Variants in FOXC1 observed in about 807,000 individuals in gnomAD.
FOXC1 encodes forkhead box C1.
A neutral mutation model predicts 8.1 loss-of-function variants in FOXC1; 5 were observed. That is an observed-to-expected ratio of 0.62 (90% CI 0.32 to 1.30). FOXC1 has a LOEUF of 1.30. Ranked by LOEUF, FOXC1 falls within the 50% of genes most tolerant of loss-of-function variation. The probability of loss-of-function intolerance (pLI) is 0.05; values close to 1 mark genes in which losing one functional copy is unlikely to be tolerated. For missense variants in FOXC1, 942 were observed against 858.0 expected (o/e 1.10, Z -1.22); for synonymous variants, 552 against 417.2 (o/e 1.32, Z -3.94).
chr6:1,613,550 T>C lies in FOXC1; in HGVS notation c.*1443T>C, dbSNP rs1459133442. 1 of 227,888 alleles carries C rather than the reference T, an allele frequency of 4.4e-6. No individual in the cohort carries two copies. Among genetic ancestry groups the C allele is most frequent in the Non-Finnish European group, 9.5e-6 (1 of 105,670 alleles). The allele number at this position is 227,888 out of a possible 1,614,324, so 14.1% of individuals were successfully genotyped here. A position where few individuals can be genotyped will look rare whatever the true frequency, so the allele number is the denominator to read the frequency against. The stretch of plus-strand genomic sequence containing the variant: ...GCGAGAGGAGCAGAACATTTTGGTC[T>C]AGGGTGGTTTCTTTTTAAACCATTT... On this transcript the variant is annotated 3_prime_UTR_variant, in exon 1 of 1. Transcript: ENST00000645831.
In FOXC1 at chr6:1,612,149, A is replaced by G; in HGVS notation, c.*42A>G. ...AACTAAATCGAACCCCAAAGCAGGA[A>G]AAGCTAAAGGAACCCATCAAGGCAA... is the stretch of plus-strand genomic sequence containing the variant. On this transcript the variant is annotated 3_prime_UTR_variant, in exon 1 of 1. Coordinates refer to ENST00000645831, the MANE Select transcript of FOXC1 (RefSeq NM_001453.3). 1 of 1,613,674 alleles carries G rather than the reference A, an allele frequency of 6.2e-7. No individual in the cohort carries two copies. Among genetic ancestry groups the G allele is most frequent in the Non-Finnish European group, 8.5e-7 (1 of 1,180,018 alleles).
Position 1,611,430 on chromosome 6 carries a change from A to G in FOXC1, c.985A>G (p.Ser329Gly). Residue 329 changes from serine to glycine, a missense_variant, in exon 1 of 1, where the codon AGC becomes GGC. Around this residue, in one of 4 missense-constraint regions of FOXC1, gnomAD observed 726 missense variants for 599.6 expected, o/e 1.21. Coordinates refer to ENST00000645831, the MANE Select transcript of FOXC1 (RefSeq NM_001453.3). This position sits in a 1 kb window ranked among gnomAD's most constrained non-coding sequence, Gnocchi z 7.1. ...GSPQSAAAEL[S>G]SGLLASAAAS... is the part of the protein sequence containing the mutation. ...GCCGCAGAGCGCGGCCGCGGAGCTC[A>G]GCTCCGGCCTTCTGGCCTCGGCGGC... 2.1e-6 allele frequency: 3 copies of G among 1,425,554 alleles called. No individual in the cohort carries two copies. The highest frequency in any genetic ancestry group is 3.2e-5 in the East Asian group (1 of 31,470). The allele number at this position is 1,425,554 out of a possible 1,614,324, so 88.3% of individuals were successfully genotyped here.
Position 1,613,446 on chromosome 6 carries a change from C to T in FOXC1, c.*1339C>T, listed in dbSNP as rs2113117342. 4.3e-6 allele frequency: 1 copy of T among 232,900 alleles called. No individual in the cohort carries two copies. The highest frequency in any genetic ancestry group is 6.9e-5 in the East Asian group (1 of 14,564). The allele number at this position is 232,900 out of a possible 1,614,324, so 14.4% of individuals were successfully genotyped here. On this transcript the variant is annotated 3_prime_UTR_variant, in exon 1 of 1. Coordinates refer to ENST00000645831, the MANE Select transcript of FOXC1 (RefSeq NM_001453.3). The stretch of plus-strand genomic sequence containing the variant: ...TGCGGGTTGGAAAGGGATATTTAAT[C>T]TTTGAGAAACTATTTTAGAAAATAT...
At position 1,610,600 on chromosome 6, in the gene FOXC1, A is replaced by G. The variant is rs1448805039; in HGVS notation, c.155A>G (p.His52Arg). ...APMSVYSHPA[H>R]AEQYPGGMAR... ...ATGAGCGTGTACTCGCACCCTGCGCACGCCGAGCAGTACCCGGGCGGCATG... is the reference window on the plus strand; with the variant it reads ...ATGAGCGTGTACTCGCACCCTGCGCGCGCCGAGCAGTACCCGGGCGGCATG... The change falls in exon 1 of 1, where the codon CAC (histidine) becomes CGC (arginine). Residue 52 changes from histidine to arginine, a missense_variant. This residue lies in a region of FOXC1 where 190 missense variants were observed against 176.8 expected (regional missense o/e 1.07). Transcript: ENST00000645831. The G allele has an allele frequency of 6.2e-7, 1 of 1,607,930 alleles. No homozygotes were observed. Among genetic ancestry groups the G allele is most frequent in the Admixed American group, 1.7e-5 (1 of 59,428 alleles).
Position 1,612,092 on chromosome 6 carries a change from C to T in FOXC1, c.1647C>T (p.Asp549=). 2 of 1,614,008 alleles carry T rather than the reference C, an allele frequency of 1.2e-6. No individual in the cohort carries two copies. The highest frequency in any genetic ancestry group is 1.7e-6 in the Non-Finnish European group (2 of 1,180,024). ...LYRTSGAFVY[D]CSKF ...GCACGTCCGGAGCTTTCGTCTACGACTGTAGCAAGTTTTGACACACCCTCA... is the reference window on the plus strand; with the variant it reads ...GCACGTCCGGAGCTTTCGTCTACGATTGTAGCAAGTTTTGACACACCCTCA... Residue 549 remains aspartate (D), a synonymous_variant, in exon 1 of 1, where the codon GAC becomes GAT. Transcript: ENST00000645831.
In FOXC1 at chr6:1,611,401, G is replaced by T; in HGVS notation, c.956G>T (p.Gly319Val). Residue 319 changes from glycine to valine, a missense_variant, in exon 1 of 1, where the codon GGG becomes GTG. Transcript: ENST00000645831. The surrounding 1 kb of genome is among the most constrained non-coding windows in gnomAD (Gnocchi z 7.1). ...GACAACATCATGACGTCGCTGCGGG[G>T]GTCGCCGCAGAGCGCGGCCGCGGAG... ...SVDNIMTSLR[G>V]SPQSAAAELS... 1 of 1,450,426 alleles carries T rather than the reference G, an allele frequency of 6.9e-7. No homozygotes were observed. The highest frequency in any genetic ancestry group is 9.1e-7 in the Non-Finnish European group (1 of 1,103,568). 89.8% of individuals were successfully genotyped at this position (1,450,426 alleles called of 1,614,324 possible).
At position 1,610,937 on chromosome 6, in the gene FOXC1, C is replaced by T. The variant is rs1762526299; in HGVS notation, c.492C>T (p.Asn164=). 4.3e-6 allele frequency: 7 copies of T among 1,613,568 alleles called. No homozygotes were observed. The East Asian group carries it at 8.9e-5, about 21-fold the overall frequency. The change falls in exon 1 of 1, where the codon AAC becomes AAT. Residue 164 remains asparagine (N), a synonymous_variant. Transcript: ENST00000645831. ...LDPDSYNMFE[N]GSFLRRRRRF... ...CGGACTCCTACAACATGTTCGAGAA[C>T]GGCAGCTTCCTGCGGCGGCGGCGGC...
rs142581779 is a variant in FOXC1 at position 1,610,868 on chromosome 6, C to G, written c.423C>G (p.Arg141=). The G allele has an allele frequency of 6.8e-5, 109 of 1,613,924 alleles. No individual in the cohort carries two copies. In the African/African-American group the frequency reaches 1.4e-3, roughly 21 times the overall value. The change falls in exon 1 of 1, where the codon CGC becomes CGG. Residue 141 remains arginine (R), a synonymous_variant. Coordinates refer to ENST00000645831, the MANE Select transcript of FOXC1 (RefSeq NM_001453.3). ...SLNECFVKVP[R]DDKKPGKGSY... ...ACGAGTGCTTCGTCAAGGTGCCGCG[C>G]GACGACAAGAAGCCGGGCAAGGGCA...
chr6:1,612,283 A>C lies in FOXC1; in HGVS notation c.*176A>C. 2 of 934,060 alleles carry C rather than the reference A, an allele frequency of 2.1e-6. No individual in the cohort carries two copies. The highest frequency in any genetic ancestry group is 3.2e-6 in the Non-Finnish European group (2 of 617,372). 57.9% of individuals were successfully genotyped at this position (934,060 alleles called of 1,614,324 possible). On this transcript the variant is annotated 3_prime_UTR_variant, in exon 1 of 1. Coordinates refer to ENST00000645831, the MANE Select transcript of FOXC1 (RefSeq NM_001453.3). ...AATTCAGCTCACCAGCACCAGCACG[A>C]AGAAAACTCTATTTTCTTAACCGAT...
At position 1,611,789 on chromosome 6, in the gene FOXC1, C is replaced by A; in HGVS notation, c.1344C>A (p.Gly448=). The change falls in exon 1 of 1, where the codon GGC becomes GGA. Residue 448 remains glycine (G), a synonymous_variant. Coordinates refer to ENST00000645831, the MANE Select transcript of FOXC1 (RefSeq NM_001453.3). This position sits in a 1 kb window ranked among gnomAD's most constrained non-coding sequence, Gnocchi z 7.1. ...SSSSSSLSHG[G]GGGGGGGGQE... Reference sequence around the variant, plus strand: ...GCTCGTCGTCCCTGAGTCACGGCGGCGGCGGCGGCGGCGGCGGGGGAGGCC... The same window carrying A: ...GCTCGTCGTCCCTGAGTCACGGCGGAGGCGGCGGCGGCGGCGGGGGAGGCC... The A allele has an allele frequency of 6.9e-7, 1 of 1,457,262 alleles. No individual in the cohort carries two copies. Among genetic ancestry groups the A allele is most frequent in the Non-Finnish European group, 9.0e-7 (1 of 1,107,880 alleles). The allele number at this position is 1,457,262 out of a possible 1,614,324, so 90.3% of individuals were successfully genotyped here. A position where few individuals can be genotyped will look rare whatever the true frequency, so the allele number is the denominator to read the frequency against.
rs1450176374 is a variant in FOXC1 at position 1,610,494 on chromosome 6, C to T, written c.49C>T (p.Pro17Ser). 4.0e-6 allele frequency: 6 copies of T among 1,502,452 alleles called. No homozygotes were observed. Among genetic ancestry groups the T allele is most frequent in the African/African-American group, 1.4e-5 (1 of 71,050 alleles). 93.1% of individuals were successfully genotyped at this position (1,502,452 alleles called of 1,614,324 possible). A position where few individuals can be genotyped will look rare whatever the true frequency, so the allele number is the denominator to read the frequency against. Reference protein sequence around the residue: ...VSSPNSLGVVPYLGGEQSYYR... With the variant: ...VSSPNSLGVVSYLGGEQSYYR... ...CAGCCCCAACTCCCTGGGAGTGGTG[C>T]CCTACCTCGGCGGCGAGCAGAGCTA... The change falls in exon 1 of 1, where the codon CCC (proline) becomes TCC (serine). Residue 17 changes from proline (P) to serine (S), a missense_variant. Transcript: ENST00000645831.
rs1192326707 is a variant in FOXC1, at chr6:1,611,076, G to C, written c.631G>C (p.Gly211Arg). Residue 211 changes from glycine (G) to arginine (R), a missense_variant, in exon 1 of 1, where the codon GGC (glycine) becomes CGC (arginine). Physicochemically the swap from Gly to Arg is moderately radical, Grantham distance 125. Coordinates refer to ENST00000645831, the MANE Select transcript of FOXC1 (RefSeq NM_001453.3). The surrounding 1 kb of genome is among the most constrained non-coding windows in gnomAD (Gnocchi z 7.1). The stretch of plus-strand genomic sequence containing the variant: ...GCCCGCGCCGCCGGAGCAGGCCGAC[G>C]GCAACGCGCCCGGTCCGCAGCCGCC... ...PPPAPPEQAD[G>R]NAPGPQPPPV... is the part of the protein sequence containing the mutation. 1.1e-5 allele frequency: 16 copies of C among 1,413,252 alleles called. No individual in the cohort carries two copies. Among genetic ancestry groups the C allele is most frequent in the Non-Finnish European group, 1.5e-5 (16 of 1,081,970 alleles). The allele number at this position is 1,413,252 out of a possible 1,614,324, so 87.5% of individuals were successfully genotyped here. A position where few individuals can be genotyped will look rare whatever the true frequency, so the allele number is the denominator to read the frequency against.
In FOXC1 at chr6:1,613,525, G is replaced by A. The variant is rs919862089; in HGVS notation, c.*1418G>A. ...ATTTAAAGCAATAACAAGAAGGAAG[G>A]CGAGAGGAGCAGAACATTTTGGTCT... On this transcript the variant is annotated 3_prime_UTR_variant, in exon 1 of 1. Transcript: ENST00000645831. 8.7e-6 allele frequency: 2 copies of A among 230,578 alleles called. No individual in the cohort carries two copies. Among genetic ancestry groups the A allele is most frequent in the Admixed American group, 1.2e-4 (2 of 17,128 alleles). The allele number at this position is 230,578 out of a possible 1,614,324, so 14.3% of individuals were successfully genotyped here.
Position 1,612,831 on chromosome 6 carries a change from A to G in FOXC1, c.*724A>G. 4.7e-6 allele frequency: 1 copy of G among 210,644 alleles called. No individual in the cohort carries two copies. Among genetic ancestry groups the G allele is most frequent in the Non-Finnish European group, 1.1e-5 (1 of 94,676 alleles). The allele number at this position is 210,644 out of a possible 1,614,324, so 13.0% of individuals were successfully genotyped here. On this transcript the variant is annotated 3_prime_UTR_variant, in exon 1 of 1. Coordinates refer to ENST00000645831, the MANE Select transcript of FOXC1 (RefSeq NM_001453.3). ...TTACCATTCAGTTTGAATGAGACCT[A>G]TATGTCTGGATACTTTAATAGAGCT...
chr6:1,612,130 A>G lies in FOXC1; in HGVS notation c.*23A>G, dbSNP rs753828358. On this transcript the variant is annotated 3_prime_UTR_variant, in exon 1 of 1. Coordinates refer to ENST00000645831, the MANE Select transcript of FOXC1 (RefSeq NM_001453.3). ...TGACACACCCTCAAAGCCGAACTAA[A>G]TCGAACCCCAAAGCAGGAAAAGCTA... The G allele has an allele frequency of 1.8e-5, 29 of 1,613,902 alleles. No individual in the cohort carries two copies. Among genetic ancestry groups the G allele is most frequent in the Middle Eastern group, 1.6e-4 (1 of 6,062 alleles).
rs1322014593 is a variant in FOXC1 at position 1,610,400 on chromosome 6, A to C, written c.-46A>C. The stretch of plus-strand genomic sequence containing the variant: ...GGCGCGGCGCGGCCCGGCCCGAGCG[A>C]GGGTGGGGGGCGGCGGGCGGCGCGG... On this transcript the variant is annotated 5_prime_UTR_variant, in exon 1 of 1. Transcript: ENST00000645831. 1.8e-6 allele frequency: 2 copies of C among 1,102,112 alleles called. No individual in the cohort carries two copies. The highest frequency in any genetic ancestry group is 1.0e-4 in the Admixed American group (2 of 19,684). 68.3% of individuals were successfully genotyped at this position (1,102,112 alleles called of 1,614,324 possible).
Position 1,610,548 on chromosome 6 carries a change from G to A in FOXC1, c.103G>A (p.Gly35Ser), listed in dbSNP as rs888646491. 1.0e-5 allele frequency: 16 copies of A among 1,553,434 alleles called. No homozygotes were observed. The highest frequency in any genetic ancestry group is 2.2e-4 in the Middle Eastern group (1 of 4,510). ...YYRAAAAAAG[G>S]GYTAMPAPMS... is the part of the protein sequence containing the mutation. ...CCGCGCGGCGGCCGCGGCGGCCGGG[G>A]GCGGCTACACCGCCATGCCGGCCCC... The change falls in exon 1 of 1, where the codon GGC (glycine) becomes AGC (serine). Residue 35 changes from glycine to serine, a missense_variant. By Grantham distance (56) the Gly-to-Ser change is moderately conservative. Coordinates refer to ENST00000645831, the MANE Select transcript of FOXC1 (RefSeq NM_001453.3).
Position 1,611,170 on chromosome 6 carries a change from C to A in FOXC1, c.725C>A (p.Pro242Gln). 6.9e-7 allele frequency: 1 copy of A among 1,457,092 alleles called. No individual in the cohort carries two copies. The highest frequency in any genetic ancestry group is 9.1e-7 in the Non-Finnish European group (1 of 1,101,048). 90.3% of individuals were successfully genotyped at this position (1,457,092 alleles called of 1,614,324 possible). A position where few individuals can be genotyped will look rare whatever the true frequency, so the allele number is the denominator to read the frequency against. ...TCPSPPQPLS[P>Q]AAALGSGSAA... Reference sequence around the variant, plus strand: ...CCCTCGCCGCCCCAGCCCCTGTCCCCGGCCGCCGCCCTGGGCAGCGGCAGC... The same window carrying A: ...CCCTCGCCGCCCCAGCCCCTGTCCCAGGCCGCCGCCCTGGGCAGCGGCAGC... The change falls in exon 1 of 1, where the codon CCG becomes CAG. Residue 242 changes from proline to glutamine, a missense_variant. By Grantham distance (76) the Pro-to-Gln change is moderately conservative. Transcript: ENST00000645831. The surrounding 1 kb of genome is among the most constrained non-coding windows in gnomAD (Gnocchi z 7.1).
rs1762584578 is a variant in FOXC1, at chr6:1,613,122, G to T, written c.*1015G>T. The T allele has an allele frequency of 4.1e-6, 1 of 241,336 alleles. No individual in the cohort carries two copies. The highest frequency in any genetic ancestry group is 8.8e-6 in the Non-Finnish European group (1 of 114,056). The allele number at this position is 241,336 out of a possible 1,614,324, so 14.9% of individuals were successfully genotyped here. A position where few individuals can be genotyped will look rare whatever the true frequency, so the allele number is the denominator to read the frequency against. On this transcript the variant is annotated 3_prime_UTR_variant, in exon 1 of 1. Coordinates refer to ENST00000645831, the MANE Select transcript of FOXC1 (RefSeq NM_001453.3). ...CGTTTTCTCACTAATGACAGTCCAT[G>T]ATTCGGAAATTTTAAGCCCATGAAT...
Sources: allele counts gnomAD v4.1 joint callset, GRCh38; gene constraint gnomAD v4.1.1; regional missense constraint gnomAD v4.1.1; non-coding constraint Gnocchi (gnomAD v3.1); transcripts MANE v1.5; gene names NCBI Gene and HGNC (gene_info 2026-07-23, HGNC 2026-07-21).